APBA1: variants seen among roughly 807,000 people sequenced by gnomAD.
The protein encoded by APBA1 is amyloid beta precursor protein binding family A member 1, also known as amyloid-beta A4 precursor protein-binding family A member 1.
A neutral mutation model predicts 86.6 loss-of-function variants in APBA1; 55 were observed. The observed-to-expected ratio is 0.64, with a 90% CI of 0.51 to 0.80. APBA1 has a LOEUF of 0.80. Among genes scored for constraint, APBA1 ranks in the 30% least tolerant of loss-of-function variants. APBA1 has a pLI of 0.00. For synonymous variants in APBA1, 511 were observed against 493.9 expected (o/e 1.03, Z -0.46); for missense variants, 1,090 against 1,183.0 (o/e 0.92, Z 1.15).
intron 1 of APBA1, among the ~76,000 whole-genome samples, chr9:69,602,486 G>T (rs1388189750): frequency 6.6e-6 from 1 of 152,006 alleles, no homozygotes; most frequent in Non-Finnish European, 1.5e-5. Flanking sequence ...CAGGAGAATG[G>T]CATGAACCTG....
chr9:69,471,225 C>T (rs74584038), intron 4 of APBA1, among the ~76,000 whole-genome samples: 1,662 of 152,172 alleles, frequency 0.011, 18 homozygotes, highest in African/African-American at 0.028. Context: ...AGCTCATCCA[C>T]GTAATAGATG....
At chr9:69,486,717 C>T (rs954403835) in intron 2 of APBA1, among the ~76,000 whole-genome samples, 2 of 152,034 alleles carry the variant, frequency 1.3e-5, no homozygotes, top group African/African-American at 4.8e-5. Context: ...GGAGGAGGAA[C>T]AGCACAGCTC....
Position 69,510,689 on chromosome 9 carries a change from C to A in APBA1, c.1200+5322G>T, listed in dbSNP as rs1249791747. Among the ~76,000 whole-genome samples, 255 of 139,730 alleles carry A rather than the reference C, an allele frequency of 1.8e-3. 8 individuals carry two copies. Among genetic ancestry groups the A allele is most frequent in the South Asian group, 0.011 (50 of 4,490 alleles). 91.7% of individuals were successfully genotyped at this position (139,730 alleles called of 152,430 possible). A position where few individuals can be genotyped will look rare whatever the true frequency, so the allele number is the denominator to read the frequency against. ...TCAAACTATACTACAAGGCTACAGT[C>A]ACCACAACAGCATGGTACTGGTACC... On this transcript the variant is annotated intron_variant, in intron 2 of 12. Coordinates refer to ENST00000265381, the MANE Select transcript of APBA1 (RefSeq NM_001163.4).
In APBA1 at chr9:69,516,579, T is replaced by C. The variant is rs1376131745; in HGVS notation, c.632A>G (p.Asp211Gly). The C allele has an allele frequency of 5.6e-6, 9 of 1,601,656 alleles. No individual in the cohort carries two copies. The East Asian group carries it at 8.9e-5, about 16-fold the overall frequency. ...CTCCTGCTCGTAGAGCCGCAGGCCG[T>C]CGCGTGCGTCCAGCTCGGGCGCGTC... ...IGDAPELDAR[D>G]GLRLYEQERD... Residue 211 changes from aspartate to glycine, a missense_variant, in exon 2 of 13, where the codon GAC (aspartate) becomes GGC (glycine). This residue lies in a region of APBA1 where 678 missense variants were observed against 647.1 expected (regional missense o/e 1.05). Transcript: ENST00000265381. The surrounding 1 kb of genome is among the most constrained non-coding windows in gnomAD (Gnocchi z 7.3).
intron 1 of APBA1, among the ~76,000 whole-genome samples, chr9:69,559,623 C>T (rs991430917): frequency 7.2e-5 from 11 of 152,016 alleles, no homozygotes; most frequent in African/African-American, 9.7e-5. Flanking sequence ...TCTGGGTCGA[C>T]GGTTATTTTT....
At position 69,433,723 on chromosome 9, in the gene APBA1, C is replaced by G. The variant is rs139819967; in HGVS notation, c.2302-1047G>C. Among the ~76,000 whole-genome samples the G allele has an allele frequency of 9.3e-3, 1,417 of 151,826 alleles. 15 individuals are homozygous for G. Among genetic ancestry groups the G allele is most frequent in the African/African-American group, 0.032 (1,333 of 41,374 alleles). On this transcript the variant is annotated intron_variant, in intron 11 of 12. Coordinates refer to ENST00000265381, the MANE Select transcript of APBA1 (RefSeq NM_001163.4). Reference sequence around the variant, plus strand: ...GGTACAAAGAATGCAGGAAGTGGGGCTGGATATTTCAACTCCAAATGGGAA... The same window carrying G: ...GGTACAAAGAATGCAGGAAGTGGGGGTGGATATTTCAACTCCAAATGGGAA...
At chr9:69,628,634 G>A (rs746567761) in intron 1 of APBA1, among the ~76,000 whole-genome samples, 8 of 152,198 alleles carry the variant, frequency 5.3e-5, no homozygotes, top group Non-Finnish European at 1.0e-4. Context: ...TAGGTTCTGC[G>A]ATGAAAAGCT....
chr9:69,452,140 C>T lies in APBA1; in HGVS notation c.1950G>A (p.Lys650=), dbSNP rs907140411. ...TACCCACATCTTTACAGTTTTCCGA[C>T]TTGGAGAAGTGGATCAGGTCATCGT... The part of the protein sequence containing the change: ...MYNDDLIHFS[K]SENCKDVFIE... The change falls in exon 9 of 13, where the codon AAG becomes AAA. Residue 650 remains lysine (K), a synonymous_variant. Transcript: ENST00000265381. The T allele has an allele frequency of 1.8e-5, 29 of 1,614,028 alleles. No individual in the cohort carries two copies. Among genetic ancestry groups the T allele is most frequent in the Non-Finnish European group, 2.4e-5 (28 of 1,180,008 alleles).
At chr9:69,456,141 C>T (rs1356601515) in intron 8 of APBA1, 106 bp downstream of exon 8, 11 of 1,229,178 alleles carry the variant, frequency 8.9e-6, no homozygotes, top group African/African-American at 5.9e-5. Flanking sequence ...ACACACAGTA[C>T]GTGCACAATA....
chr9:69,491,787 T>A (rs1404377245), intron 2 of APBA1, among the ~76,000 whole-genome samples: 1 of 144,954 alleles, frequency 6.9e-6, no homozygotes, highest in East Asian at 2.0e-4. Context: ...TTTTTTGAGA[T>A]GGAGTCTTGC....
intron 2 of APBA1, among the ~76,000 whole-genome samples, chr9:69,497,611 A>G (rs1835819686): frequency 6.6e-6 from 1 of 152,100 alleles, no homozygotes; most frequent in African/African-American, 2.4e-5. Flanking sequence ...TTCTTTTGAC[A>G]ATGGCAGTCC....
At position 69,516,334 on chromosome 9, in the gene APBA1, T is replaced by C. The variant is rs1206717836; in HGVS notation, c.877A>G (p.Met293Val). Residue 293 changes from methionine (M) to valine (V), a missense_variant, in exon 2 of 13, where the codon ATG becomes GTG. Around this residue, in one of 6 missense-constraint regions of APBA1, gnomAD observed 678 missense variants for 647.1 expected, o/e 1.05. Transcript: ENST00000265381. The surrounding 1 kb of genome is among the most constrained non-coding windows in gnomAD (Gnocchi z 7.3). ...SQSLDKAAED[M>V]PEAEQDLERP... ...TCCAGGTCCTGCTCGGCCTCAGGCA[T>C]GTCCTCGGCTGCCTTGTCGAGGCTC... 4 of 1,594,252 alleles carry C rather than the reference T, an allele frequency of 2.5e-6. No individual in the cohort carries two copies. Among genetic ancestry groups the C allele is most frequent in the Non-Finnish European group, 3.4e-6 (4 of 1,176,290 alleles).
At chr9:69,655,307 CAT>C (rs1481105950) in intron 1 of APBA1, among the ~76,000 whole-genome samples, 1 of 151,668 alleles carries the variant, frequency 6.6e-6, no homozygotes, top group African/African-American at 2.4e-5. Context: ...CATATATACA[CAT>C]ATGTATGTGT....
At chr9:69,467,503 C>G (rs942534070) in intron 5 of APBA1, among the ~76,000 whole-genome samples, 2 of 152,206 alleles carry the variant, frequency 1.3e-5, no homozygotes, top group Non-Finnish European at 2.9e-5. Context: ...TCCAGTGGTA[C>G]ATGTCTTGCA....
intron 1 of APBA1, among the ~76,000 whole-genome samples, chr9:69,563,693 T>C (rs186202873): frequency 6.6e-6 from 1 of 152,286 alleles, no homozygotes; most frequent in Admixed American, 6.5e-5. Context: ...TCCATCAAGA[T>C]TCAAATCACT....
intron 1 of APBA1, among the ~76,000 whole-genome samples, chr9:69,646,399 G>A (rs1467885745): frequency 3.3e-5 from 5 of 152,082 alleles, no homozygotes; most frequent in Admixed American, 6.5e-5. Flanking sequence ...TGTGCTGATC[G>A]TTACTTTTCA....
intron 2 of APBA1, among the ~76,000 whole-genome samples, chr9:69,486,306 G>A (rs1270908094): frequency 6.6e-6 from 1 of 152,034 alleles, no homozygotes; most frequent in Non-Finnish European, 1.5e-5. Context: ...CACTTCTCGT[G>A]GTAGCGGGGA....
At chr9:69,459,507 G>C (rs1488883410) in intron 5 of APBA1, among the ~76,000 whole-genome samples, 2 of 152,188 alleles carry the variant, frequency 1.3e-5, no homozygotes, top group Non-Finnish European at 1.5e-5. Context: ...TTGGTAAATT[G>C]ATCCTTTCAT....
chr9:69,662,773 C>T (rs1823775745), intron 1 of APBA1, among the ~76,000 whole-genome samples: 1 of 152,132 alleles, frequency 6.6e-6, no homozygotes, highest in African/African-American at 2.4e-5. Flanking sequence ...AGGAAAGAAT[C>T]GTGAGGAACC....
Sources: allele counts gnomAD v4.1 joint callset (sites outside exome capture counted in the v4.1 genomes callset), GRCh38; gene constraint gnomAD v4.1.1; regional missense constraint gnomAD v4.1.1; non-coding constraint Gnocchi (gnomAD v3.1); transcripts MANE v1.5; gene names NCBI Gene and HGNC (gene_info 2026-07-23, HGNC 2026-07-21).